SDSL: variants seen among roughly 807,000 people sequenced by gnomAD.
The protein encoded by SDSL is serine dehydratase-like.
A neutral mutation model predicts 27.6 loss-of-function variants in SDSL; 26 were observed. That is an observed-to-expected ratio of 0.94 (90% CI 0.69 to 1.31). The LOEUF (loss-of-function observed/expected upper bound fraction) is 1.31, where lower values mean the gene tolerates loss of function less well. Ranked by LOEUF, SDSL falls within the 50% of genes most tolerant of loss-of-function variation. SDSL has a pLI of 0.00. For synonymous variants in SDSL, 196 were observed against 180.6 expected, an observed-to-expected ratio of 1.09 and a Z score of -0.69; for missense variants, 431 against 423.5, an observed-to-expected ratio of 1.02 and a Z score of -0.16.
chr12:113,432,039 A>G (rs1957928464), intron 4 of SDSL, among the ~76,000 whole-genome samples: 1 of 150,178 alleles, frequency 6.7e-6, no homozygotes, highest in Non-Finnish European at 1.5e-5. Context: ...ACAGGCGTAA[A>G]CTGCTGCGCC....
intron 4 of SDSL, among the ~76,000 whole-genome samples, chr12:113,431,165 G>A (rs769291669): frequency 6.6e-6 from 1 of 152,336 alleles, no homozygotes; most frequent in Non-Finnish European, 1.5e-5. Flanking sequence ...GGATGAGCAC[G>A]GTGCATTCAG....
rs1413720279 is a variant in SDSL, at chr12:113,436,883, A to T, written c.796+8A>T. 6.3e-7 allele frequency: 1 copy of T among 1,576,414 alleles called. No homozygotes were observed. Among genetic ancestry groups the T allele is most frequent in the Admixed American group, 1.8e-5 (1 of 55,334 alleles). On this transcript the variant is annotated splice_region_variant and intron_variant, in intron 7 of 7. Coordinates refer to ENST00000403593, the MANE Select transcript of SDSL (RefSeq NM_001304993.2). ...CTGTGCAGCAGCTCCTGGGTGAGTG[A>T]TCCCTGTCCTCCACCTGGGCTCAGA...
chr12:113,433,932 GCA>G (rs1437231740), intron 4 of SDSL, among the ~76,000 whole-genome samples, 200 bp from the exon 5 acceptor site: 1 of 152,208 alleles, frequency 6.6e-6, no homozygotes, highest in Non-Finnish European at 1.5e-5. Flanking sequence ...ATTGTGGAAA[GCA>G]CATGGCATCT....
chr12:113,430,220 A>G (rs1022184248), intron 4 of SDSL, among the ~76,000 whole-genome samples: 1 of 152,218 alleles, frequency 6.6e-6, no homozygotes, highest in African/African-American at 2.4e-5. Context: ...ACACAGAGAT[A>G]GTAAGACATG....
Position 113,429,292 on chromosome 12 carries a change from C to T in SDSL, c.347C>T (p.Thr116Ile). Residue 116 changes from threonine (T) to isoleucine (I), a missense_variant, in exon 4 of 8, where the codon ACT becomes ATT. Coordinates refer to ENST00000403593, the MANE Select transcript of SDSL (RefSeq NM_001304993.2). ...GGGGAGGGGGCCGAGGTTCAGCTGA[C>T]TGGAAAGGTAAGGGCTCTGGGAAGG... Reference protein sequence around the residue: ...LQGEGAEVQLTGKVWDEANLR... With the variant: ...LQGEGAEVQLIGKVWDEANLR... 1 of 1,610,278 alleles carries T rather than the reference C, an allele frequency of 6.2e-7. No individual in the cohort carries two copies. The highest frequency in any genetic ancestry group is 8.5e-7 in the Non-Finnish European group (1 of 1,177,056).
intron 4 of SDSL, among the ~76,000 whole-genome samples, chr12:113,431,977 G>A (rs1365880940): frequency 6.7e-6 from 1 of 148,268 alleles, no homozygotes; most frequent in Non-Finnish European, 1.5e-5. Context: ...GGATGGTCTC[G>A]AACTCCTGAC....
intron 1 of SDSL, among the ~76,000 whole-genome samples, chr12:113,424,726 A>ATT (rs1437119641): frequency 6.6e-6 from 1 of 151,172 alleles, no homozygotes; most frequent in Non-Finnish European, 1.5e-5. Context: ...GACAGATGTT[A>ATT]TTCTCTCTCT....
In SDSL at chr12:113,428,433, G is replaced by C. The variant is rs1957877682; in HGVS notation, c.188G>C (p.Gly63Ala). The C allele has an allele frequency of 6.2e-7, 1 of 1,612,452 alleles. No individual in the cohort carries two copies. The highest frequency in any genetic ancestry group is 8.5e-7 in the Non-Finnish European group (1 of 1,179,660). ...GHFCQEMAKK[G>A]CRHLVCSSGG... ...TTCTCTTCCCAGATGGCCAAGAAGG[G>C]ATGCAGACACCTGGTGTGCTCCTCA... Residue 63 changes from glycine (G) to alanine (A), a missense_variant, in exon 3 of 8, where the codon GGA (glycine) becomes GCA (alanine). By Grantham distance (60) the Gly-to-Ala change is moderately conservative. Coordinates refer to ENST00000403593, the MANE Select transcript of SDSL (RefSeq NM_001304993.2).
At chr12:113,430,155 C>T (rs1565878401) in intron 4 of SDSL, among the ~76,000 whole-genome samples, 1 of 151,674 alleles carries the variant, frequency 6.6e-6, no homozygotes, top group Non-Finnish European at 1.5e-5. Context: ...TCCATCCATC[C>T]ATCAGATATT....
At chr12:113,426,322 C>T (rs1957851034) in intron 1 of SDSL, 1 of 446,658 alleles carries the variant, frequency 2.2e-6, no homozygotes, top group Admixed American at 2.4e-5. Context: ...AGTTAAAAGA[C>T]CCCTCAGCCA....
rs1458563971 is a variant in SDSL, at chr12:113,428,405, T to G, written c.175-15T>G. On this transcript the variant is annotated splice_polypyrimidine_tract_variant and intron_variant, in intron 2 of 7. Coordinates refer to ENST00000403593, the MANE Select transcript of SDSL (RefSeq NM_001304993.2). ...TGCTTGGGTTAGCCGCTAACCCCAT[T>G]CCTTCTCTTCCCAGATGGCCAAGAA... The G allele has an allele frequency of 1.2e-5, 19 of 1,610,390 alleles. No individual in the cohort carries two copies. In the East Asian group the frequency reaches 4.2e-4, roughly 36 times the overall value.
chr12:113,437,070 C>T (rs1178369867), intron 7 of SDSL, 195 bp downstream of exon 7: 1 of 428,470 alleles, frequency 2.3e-6, no homozygotes, highest in African/African-American at 2.1e-5. Context: ...CTGTCTCTAG[C>T]CCCCAGACTT....
At chr12:113,422,590 G>A (rs1957804838) in intron 1 of SDSL, 113 bp downstream of exon 1, 1 of 152,530 alleles carries the variant, frequency 6.6e-6, no homozygotes, top group African/African-American at 2.4e-5. Flanking sequence ...AAGCTGAGCA[G>A]GTGGGAGTGA....
At chr12:113,429,444 G>A in intron 4 of SDSL, 145 bp downstream of exon 4, 1 of 927,512 alleles carries the variant, frequency 1.1e-6, no homozygotes, top group South Asian at 1.8e-5. Flanking sequence ...GCTGAGGGGG[G>A]AATGAGGTGG....
intron 1 of SDSL, chr12:113,426,139 C>G (rs368400676): frequency 2.2e-6 from 1 of 455,784 alleles, no homozygotes; most frequent in Non-Finnish European, 4.4e-6. Flanking sequence ...GCCCTCACCC[C>G]CTACCCTCAC....
intron 4 of SDSL, among the ~76,000 whole-genome samples, chr12:113,432,261 T>TTTCTTTCTTTCTTTTTTTC (rs1957936950): frequency 1.4e-5 from 2 of 142,268 alleles, no homozygotes; most frequent in African/African-American, 5.4e-5. Context: ...TCTTTCTTTC[T>TTTCTTTCTTTCTTTTTTTC]TTCTTTCTTT....
intron 1 of SDSL, chr12:113,425,846 A>T (rs531848476): frequency 7.5e-6 from 3 of 400,174 alleles, no homozygotes; most frequent in Non-Finnish European, 1.5e-5. Flanking sequence ...AAAATTAATC[A>T]GGCGTGGTGA....
chr12:113,434,228 G>A lies in SDSL; in HGVS notation c.443+6G>A, dbSNP rs773341836. 8 of 1,601,250 alleles carry A rather than the reference G, an allele frequency of 5.0e-6. No homozygotes were observed. Among genetic ancestry groups the A allele is most frequent in the Non-Finnish European group, 5.1e-6 (6 of 1,171,816 alleles). ...TTTGACCACCCCCTAATATGGTAAG[G>A]CTGACGCCCCTCTCCCCAGGAGTCC... On this transcript the variant is annotated splice_donor_region_variant and intron_variant, in intron 5 of 7. Coordinates refer to ENST00000403593, the MANE Select transcript of SDSL (RefSeq NM_001304993.2).
Position 113,437,970 on chromosome 12 carries a change from AG to A in SDSL, c.884del (p.Gly295AlafsTer7). On this transcript the variant is annotated frameshift_variant, in exon 8 of 8. Transcript: ENST00000403593. LOFTEE classifies it low-confidence loss of function (END_TRUNC). ...YSGLLRRLQA[E>X]GCLPPSLTSV... is the part of the protein sequence containing the mutation. ...GGCCTCCTGCGGAGGCTCCAGGCCGAGGGCTGCCTGCCCCCTTCCCTGACTT... is the reference window on the plus strand; with the variant it reads ...GGCCTCCTGCGGAGGCTCCAGGCCGAGGCTGCCTGCCCCCTTCCCTGACTT... The A allele has an allele frequency of 6.2e-7, 1 of 1,614,084 alleles. No homozygotes were observed. Among genetic ancestry groups the A allele is most frequent in the Non-Finnish European group, 8.5e-7 (1 of 1,179,940 alleles).
Sources: gnomAD v4.1 joint callset for allele counts (sites outside exome capture counted in the v4.1 genomes callset) on GRCh38, gnomAD v4.1.1 for gene constraint, MANE v1.5 for transcripts, NCBI Gene and HGNC (gene_info 2026-07-23, HGNC 2026-07-21) for gene names.